The following ZSWIM9 variants were observed in gnomAD, a reference collection of about 807,000 sequenced individuals.
ZSWIM9 encodes the protein zinc finger SWIM-type containing 9, also known as uncharacterized protein ZSWIM9.
ZSWIM9 carries 11 observed loss-of-function variants against 25.0 expected under a neutral mutation model. The observed-to-expected ratio is 0.44, with a 90% CI of 0.28 to 0.73. The LOEUF is 0.73. Among genes scored for constraint, ZSWIM9 ranks in the 30% least tolerant of loss-of-function variants. The pLI, the probability that ZSWIM9 is intolerant of heterozygous loss-of-function variation, is 0.16. For synonymous variants in ZSWIM9, 562 were observed against 582.1 expected, an observed-to-expected ratio of 0.97 and a Z score of 0.50; for missense variants, 1,070 against 1,296.5, an observed-to-expected ratio of 0.83 and a Z score of 2.68.
At chr19:48,188,591 A>G (rs949894476) in intron 3 of ZSWIM9, among the ~76,000 whole-genome samples, 2 of 152,076 alleles carry the variant, frequency 1.3e-5, no homozygotes, top group Non-Finnish European at 2.9e-5. Context: ...TCACATCTCC[A>G]TTCCCTCACT....
intron 1 of ZSWIM9, chr19:48,171,479 G>C: frequency 1.3e-6 from 1 of 768,550 alleles, no homozygotes; most frequent in Non-Finnish European, 1.6e-6. Context: ...GGACATCTGA[G>C]CTTAAGGGTC....
chr19:48,182,827 C>T lies in ZSWIM9; in HGVS notation c.588+60C>T, dbSNP rs1029408865. On this transcript the variant is annotated intron_variant, in intron 3 of 3. Coordinates refer to ENST00000614654, the MANE Select transcript of ZSWIM9 (RefSeq NM_199341.4). The surrounding 1 kb of genome is among the most constrained non-coding windows in gnomAD (Gnocchi z 4.6). The stretch of plus-strand genomic sequence containing the variant: ...GCGGGGGAAAGCCGCGCTGAAGACT[C>T]GTGGGTCATTCATGCCTTCATCCGC... 3 of 1,266,074 alleles carry T rather than the reference C, an allele frequency of 2.4e-6. No individual in the cohort carries two copies. The highest frequency in any genetic ancestry group is 1.5e-5 in the African/African-American group (1 of 67,140). 78.4% of individuals were successfully genotyped at this position (1,266,074 alleles called of 1,614,324 possible).
chr19:48,197,236 GGA>G lies in ZSWIM9; in HGVS notation c.*412_*413del. 1.4e-6 allele frequency: 1 copy of G among 702,494 alleles called. No individual in the cohort carries two copies. The highest frequency in any genetic ancestry group is 2.3e-4 in the Middle Eastern group (1 of 4,288). The allele number at this position is 702,494 out of a possible 1,614,324, so 43.5% of individuals were successfully genotyped here. On this transcript the variant is annotated 3_prime_UTR_variant, in exon 4 of 4. Coordinates refer to ENST00000614654, the MANE Select transcript of ZSWIM9 (RefSeq NM_199341.4). Reference sequence around the variant, plus strand: ...GGAGTGCAGCGGGGAGAGGGGAAAGGGAGAAAGTACAGAAGACAGATGAAGGA... The same window carrying G: ...GGAGTGCAGCGGGGAGAGGGGAAAGGGAAAGTACAGAAGACAGATGAAGGA...
At chr19:48,172,196 G>A in intron 2 of ZSWIM9, 119 bp downstream of exon 2, 2 of 983,276 alleles carry the variant, frequency 2.0e-6, no homozygotes, top group Non-Finnish European at 2.9e-6. Flanking sequence ...GGCCAACTGA[G>A]GCAGCCAAAT....
At chr19:48,190,772 C>A (rs1397217333) in intron 3 of ZSWIM9, among the ~76,000 whole-genome samples, 1 of 152,228 alleles carries the variant, frequency 6.6e-6, no homozygotes, top group Non-Finnish European at 1.5e-5. Context: ...ACACAGGCCT[C>A]CTGCAGCTTA....
rs1382923044 is a variant in ZSWIM9, at chr19:48,197,070, T to C, written c.*243T>C. The C allele has an allele frequency of 3.6e-6, 2 of 550,090 alleles. No homozygotes were observed. The highest frequency in any genetic ancestry group is 6.4e-6 in the Non-Finnish European group (2 of 310,414). The allele number at this position is 550,090 out of a possible 1,614,324, so 34.1% of individuals were successfully genotyped here. A position where few individuals can be genotyped will look rare whatever the true frequency, so the allele number is the denominator to read the frequency against. On this transcript the variant is annotated 3_prime_UTR_variant, in exon 4 of 4. Transcript: ENST00000614654. ...ATGGGCAGGGTGGATTCTGAGGGCT[T>C]CCCTCTGGAGAGGAAGCATGTGATG...
At chr19:48,191,290 C>T (rs1310781242) in intron 3 of ZSWIM9, among the ~76,000 whole-genome samples, 3 of 152,062 alleles carry the variant, frequency 2.0e-5, no homozygotes, top group Non-Finnish European at 2.9e-5. Context: ...CTGCAGCCTC[C>T]GCCTCCCGGG....
chr19:48,193,512 G>A lies in ZSWIM9; in HGVS notation c.589-1141G>A, dbSNP rs146915220. 1.4e-3 allele frequency among the ~76,000 whole-genome samples: 207 copies of A among 152,350 alleles called. 1 individual carries two copies. Among genetic ancestry groups the A allele is most frequent in the African/African-American group, 3.7e-3 (152 of 41,592 alleles). On this transcript the variant is annotated intron_variant, in intron 3 of 3. Transcript: ENST00000614654. ...GGCAGAGGCCAGGAGAGACCATCCC[G>A]AAGGGGAACATCCCTGTGCTTGTGG... is the stretch of plus-strand genomic sequence containing the variant.
chr19:48,192,498 T>TATATGTACAC (rs369454865), intron 3 of ZSWIM9, among the ~76,000 whole-genome samples: 1 of 20,758 alleles, frequency 4.8e-5, no homozygotes, highest in African/African-American at 1.4e-4. Context: ...TATATATATA[T>TATATGTACAC]ACACACACAC....
rs1232880437 is a variant in ZSWIM9 at position 48,191,086 on chromosome 19, ATGTGTATG to A, written c.589-3561_589-3554del. On this transcript the variant is annotated intron_variant, in intron 3 of 3. Transcript: ENST00000614654. Reference sequence around the variant, plus strand: ...TGTTGTGTGAGAAAGTGCAGTGTGTATGTGTATGTGTGTGTGTGTGTGTGTGTGTGTGT... The same window carrying A: ...TGTTGTGTGAGAAAGTGCAGTGTGTATGTGTGTGTGTGTGTGTGTGTGTGT... Among the ~76,000 whole-genome samples, 71 of 142,642 alleles carry A rather than the reference ATGTGTATG, an allele frequency of 5.0e-4. 1 individual carries two copies. The highest frequency in any genetic ancestry group is 3.4e-3 in the Middle Eastern group (1 of 290). 93.6% of individuals were successfully genotyped at this position (142,642 alleles called of 152,430 possible). A position where few individuals can be genotyped will look rare whatever the true frequency, so the allele number is the denominator to read the frequency against.
Position 48,182,749 on chromosome 19 carries a change from C to A in ZSWIM9, c.570C>A (p.Arg190=), listed in dbSNP as rs926471638. ...TGCACGTGCTCGAGGGCCTCTTCCG[C>A]ACCGACCCCGAGGCCAAGGTGGGGT... ...DALHVLEGLF[R]TDPEAKVKLV... The change falls in exon 3 of 4, where the codon CGC becomes CGA. Residue 190 remains arginine (R), a synonymous_variant. Coordinates refer to ENST00000614654, the MANE Select transcript of ZSWIM9 (RefSeq NM_199341.4). This position sits in a 1 kb window ranked among gnomAD's most constrained non-coding sequence, Gnocchi z 4.6. The A allele has an allele frequency of 3.3e-6, 5 of 1,528,450 alleles. No individual in the cohort carries two copies. In the African/African-American group the frequency reaches 4.1e-5, roughly 13 times the overall value. 94.7% of individuals were successfully genotyped at this position (1,528,450 alleles called of 1,614,324 possible). A position where few individuals can be genotyped will look rare whatever the true frequency, so the allele number is the denominator to read the frequency against.
intron 3 of ZSWIM9, among the ~76,000 whole-genome samples, chr19:48,187,957 T>C (rs527603136): frequency 6.9e-6 from 1 of 144,154 alleles, no homozygotes; most frequent in African/African-American, 2.8e-5. Context: ...GATAGATAGA[T>C]AGATAGATAG....
In ZSWIM9 at chr19:48,197,566, G is replaced by T; in HGVS notation, c.*739G>T. 2.3e-6 allele frequency: 1 copy of T among 442,744 alleles called. No individual in the cohort carries two copies. Among genetic ancestry groups the T allele is most frequent in the East Asian group, 3.8e-5 (1 of 26,254 alleles). 27.4% of individuals were successfully genotyped at this position (442,744 alleles called of 1,614,324 possible). On this transcript the variant is annotated 3_prime_UTR_variant, in exon 4 of 4. Transcript: ENST00000614654. ...GTCAGGAGAGTCTCCAGCAGGGGAGGGGAATTGTTTGGACTATTGTTCTTC... is the reference window on the plus strand; with the variant it reads ...GTCAGGAGAGTCTCCAGCAGGGGAGTGGAATTGTTTGGACTATTGTTCTTC...
chr19:48,183,920 C>T (rs958827654), intron 3 of ZSWIM9, among the ~76,000 whole-genome samples: 1 of 150,922 alleles, frequency 6.6e-6, no homozygotes, highest in African/African-American at 2.4e-5. Flanking sequence ...GCTGGGATTA[C>T]AGGCATGAGC....
chr19:48,176,504 GT>G (rs1568574438), intron 2 of ZSWIM9, among the ~76,000 whole-genome samples: 3 of 151,976 alleles, frequency 2.0e-5, no homozygotes, highest in African/African-American at 7.3e-5. Flanking sequence ...CCTCATTCTG[GT>G]TACTAAGCCC....
rs1255342585 is a variant in ZSWIM9, at chr19:48,194,315, C to T, written c.589-338C>T. On this transcript the variant is annotated intron_variant, in intron 3 of 3. Transcript: ENST00000614654. This position sits in a 1 kb window ranked among gnomAD's most constrained non-coding sequence, Gnocchi z 6.0. ...TGGTCCAGGGCCCACATTTTGAGAC[C>T]CACTGCCCTAGACTGCCTCTCAGCA... Among the ~76,000 whole-genome samples, 1 of 152,032 alleles carries T rather than the reference C, an allele frequency of 6.6e-6. No homozygotes were observed. Among genetic ancestry groups the T allele is most frequent in the African/African-American group, 2.4e-5 (1 of 41,380 alleles).
chr19:48,171,334 C>T, intron 1 of ZSWIM9: 1 of 985,318 alleles, frequency 1.0e-6, no homozygotes, highest in Non-Finnish European at 1.2e-6. Context: ...GGGTTACAGC[C>T]AACTGTTGGC....
Position 48,194,855 on chromosome 19 carries a change from G to A in ZSWIM9, c.791G>A (p.Arg264His). 5.1e-6 allele frequency: 7 copies of A among 1,364,486 alleles called. No homozygotes were observed. Among genetic ancestry groups the A allele is most frequent in the Non-Finnish European group, 5.6e-6 (6 of 1,067,070 alleles). 84.5% of individuals were successfully genotyped at this position (1,364,486 alleles called of 1,614,324 possible). ...RARQAACCVA[R>H]PGTPSLLRFA... ...CGCCAGGCTGCCTGCTGCGTGGCGCGCCCGGGCACACCGAGCCTGCTGCGC... is the reference window on the plus strand; with the variant it reads ...CGCCAGGCTGCCTGCTGCGTGGCGCACCCGGGCACACCGAGCCTGCTGCGC... Residue 264 changes from arginine (R) to histidine (H), a missense_variant, in exon 4 of 4, where the codon CGC (arginine) becomes CAC (histidine). Transcript: ENST00000614654. This position sits in a 1 kb window ranked among gnomAD's most constrained non-coding sequence, Gnocchi z 6.0.
Position 48,196,811 on chromosome 19 carries a change from G to A in ZSWIM9, c.2747G>A (p.Arg916Lys). The change falls in exon 4 of 4, where the codon AGA becomes AAA. Residue 916 changes from arginine to lysine, a missense_variant. By Grantham distance (26) the Arg-to-Lys change is conservative. Transcript: ENST00000614654. ...GACCTGCTCAGGGATTGCTGGGGGA[G>A]AGCCCCAGAGCCCTGACCCTTCATG... ...HMDLLRDCWG[R>K]APEP The A allele has an allele frequency of 1.6e-6, 2 of 1,236,160 alleles. No homozygotes were observed. The highest frequency in any genetic ancestry group is 1.5e-5 in the African/African-American group (1 of 64,606). The allele number at this position is 1,236,160 out of a possible 1,614,324, so 76.6% of individuals were successfully genotyped here.
Sources: allele counts gnomAD v4.1 joint callset (sites outside exome capture counted in the v4.1 genomes callset), GRCh38; gene constraint gnomAD v4.1.1; non-coding constraint Gnocchi (gnomAD v3.1); transcripts MANE v1.5; gene names NCBI Gene and HGNC (gene_info 2026-07-23, HGNC 2026-07-21).